Variants in ZNF600 observed in about 807,000 individuals in gnomAD.
ZNF600 encodes the protein zinc finger protein 600.
Under a neutral mutation model 7.3 loss-of-function variants are expected in ZNF600, and 4 were observed. The observed-to-expected ratio is 0.55, with a 90% CI of 0.27 to 1.25. ZNF600 has a LOEUF of 1.25. Ranked by LOEUF, ZNF600 falls within the 50% of genes most tolerant of loss-of-function variation. The pLI is 0.12. For missense variants in ZNF600, 911 were observed against 922.1 expected (o/e 0.99, Z 0.16); for synonymous variants, 290 against 308.9 (o/e 0.94, Z 0.64).
At chr19:52,810,683 C>T in the ZNF600 span, 151 of 862,294 alleles carry the variant, frequency 1.8e-4, no homozygotes, top group Non-Finnish European at 2.8e-4. Context: ...CGGGCTAGAG[C>T]GACATCACGG....
At chr19:52,816,122 G>A in the ZNF600 span, among the ~76,000 whole-genome samples, 213 of 147,568 alleles carry the variant, frequency 1.4e-3, 28 homozygotes, top group African/African-American at 2.5e-3. Flanking sequence ...GACAGGGAAA[G>A]GAGATGCCTT....
intron 2 of ZNF600, among the ~76,000 whole-genome samples, chr19:52,776,843 A>G (rs1457885633): frequency 6.6e-5 from 10 of 152,188 alleles, no homozygotes; most frequent in Admixed American, 6.5e-4. Flanking sequence ...ACATCACATC[A>G]CGGCGTTACC....
chr19:52,814,615 G>A, the ZNF600 span, among the ~76,000 whole-genome samples: 1 of 144,424 alleles, frequency 6.9e-6, no homozygotes. Flanking sequence ...AGCTGGGCGA[G>A]GTGGCTCACG....
At chr19:52,766,193 A>G in exon 4 of ZNF600, 3 of 1,614,084 alleles carry the variant, frequency 1.9e-6, no homozygotes, top group Non-Finnish European at 2.5e-6. Context: ...GTTTCTCACC[A>G]CTATGAACTC....
the ZNF600 span, among the ~76,000 whole-genome samples, chr19:52,830,431 C>T: frequency 2.6e-4 from 40 of 152,112 alleles, 1 homozygote; most frequent in East Asian, 5.2e-3. Flanking sequence ...AAGGATCCCA[C>T]GACATGTTTC....
At chr19:52,823,337 C>T in the ZNF600 span, among the ~76,000 whole-genome samples, 1 of 152,162 alleles carries the variant, frequency 6.6e-6, no homozygotes, top group South Asian at 2.1e-4. Context: ...CCTCAGCCTC[C>T]TGAGTAGCTG....
chr19:52,766,924 C>T, exon 4 of ZNF600: 1 of 1,614,154 alleles, frequency 6.2e-7, no homozygotes, highest in Non-Finnish European at 8.5e-7. Context: ...TTGTCACATT[C>T]ATTACACTTG....
At chr19:52,776,601 A>T (rs2062677472) in intron 2 of ZNF600, among the ~76,000 whole-genome samples, 1 of 152,088 alleles carries the variant, frequency 6.6e-6, no homozygotes, top group Non-Finnish European at 1.5e-5. Context: ...TAGCAGAGAC[A>T]GGGTTTCACC....
chr19:52,775,580 G>GT (rs893169760), intron 2 of ZNF600, among the ~76,000 whole-genome samples: 35 of 151,958 alleles, frequency 2.3e-4, no homozygotes, highest in African/African-American at 7.7e-4. Context: ...CAAACACAGG[G>GT]TTTTTTCTAC....
chr19:52,789,157 G>A (rs1306814272), upstream of ZNF600, among the ~76,000 whole-genome samples: 1 of 152,198 alleles, frequency 6.6e-6, no homozygotes, highest in Non-Finnish European at 1.5e-5. Flanking sequence ...AAGACTTAGG[G>A]AAGAAAGGCT....
intron 1 of ZNF600, chr19:52,781,414 G>A (rs1021276501): frequency 1.3e-5 from 2 of 152,124 alleles, no homozygotes; most frequent in Non-Finnish European, 2.9e-5. Flanking sequence ...ACGTGTGGCT[G>A]ATTCCCATGT....
chr19:52,812,469 CA>C, the ZNF600 span, among the ~76,000 whole-genome samples: 1 of 122,672 alleles, frequency 8.2e-6, no homozygotes, highest in South Asian at 2.5e-4. Context: ...ACCTTATCCC[CA>C]ACCCTGTGCT....
chr19:52,774,622 A>G, exon 3 of ZNF600: 1 of 985,364 alleles, frequency 1.0e-6, no homozygotes, highest in Non-Finnish European at 1.2e-6. Context: ...TTCCCTGTAC[A>G]AAGCCCTCTG....
the ZNF600 span, chr19:52,810,654 G>C: frequency 1.7e-6 from 2 of 1,163,400 alleles, no homozygotes; most frequent in African/African-American, 1.5e-5. Context: ...GCAGGCTCTG[G>C]GGTCGCGTCT....
chr19:52,802,780 C>T, the ZNF600 span, among the ~76,000 whole-genome samples: 9 of 80,184 alleles, frequency 1.1e-4, no homozygotes, highest in African/African-American at 2.4e-4. Context: ...TTTTTTTTTG[C>T]GACGAAATCT....
chr19:52,816,027 C>T, the ZNF600 span, among the ~76,000 whole-genome samples: 3,152 of 146,542 alleles, frequency 0.022, 585 homozygotes, highest in African/African-American at 0.08. Context: ...TGCAGAAATA[C>T]ACGTGTACGA....
rs949353257 is a variant in ZNF600 at position 52,765,984 on chromosome 19, A to G, written c.1979T>C (p.Phe660Ser). 8.7e-6 allele frequency: 14 copies of G among 1,614,112 alleles called. No homozygotes were observed. The Admixed American group carries it at 1.3e-4, about 15-fold the overall frequency. ...TCTTGCCAGGTATGAATTACGCACG[A>G]AAGCCTTGTCACAAACCGTACATTT... The change falls in exon 4 of 4, where the codon TTC becomes TCC. Residue 660 changes from phenylalanine (F) to serine (S), a missense_variant. Coordinates refer to ENST00000648973, the Ensembl canonical transcript of ZNF600.
chr19:52,813,147 C>T, the ZNF600 span, among the ~76,000 whole-genome samples: 21 of 147,790 alleles, frequency 1.4e-4, no homozygotes, highest in Non-Finnish European at 2.2e-4. Flanking sequence ...TTTAAAATGA[C>T]GCTACTCATA....
At chr19:52,818,478 C>T in the ZNF600 span, among the ~76,000 whole-genome samples, 12 of 151,920 alleles carry the variant, frequency 7.9e-5, no homozygotes, top group Admixed American at 1.3e-4. Context: ...TCTGAAAGGC[C>T]GAGGTGGGTG....
Sources: gnomAD v4.1 joint callset for allele counts (sites outside exome capture counted in the v4.1 genomes callset) on GRCh38, gnomAD v4.1.1 for gene constraint, MANE v1.5 for transcripts, NCBI Gene and HGNC (gene_info 2026-07-23, HGNC 2026-07-21) for gene names.